Variants in CORIN observed in about 807,000 individuals in gnomAD.
CORIN encodes the protein atrial natriuretic peptide-converting enzyme.
In CORIN, 117 loss-of-function variants were observed where a neutral mutation model predicts 125.3. The ratio of observed to expected loss-of-function variants is 0.93; its 90% CI spans 0.80 to 1.09. CORIN has a LOEUF of 1.09. Among genes scored for constraint, CORIN ranks in the 50% least tolerant of loss-of-function variants. The pLI, the probability that CORIN is intolerant of heterozygous loss-of-function variation, is 0.00. For synonymous variants in CORIN, 450 were observed against 466.4 expected, an observed-to-expected ratio of 0.96 and a Z score of 0.45; for missense variants, 1,253 against 1,306.7, an observed-to-expected ratio of 0.96 and a Z score of 0.63.
chr4:47,629,993 C>A (rs1175504026), intron 16 of CORIN, among the ~76,000 whole-genome samples: 1 of 152,072 alleles, frequency 6.6e-6, no homozygotes, highest in Non-Finnish European at 1.5e-5. Context: ...AAAGTGTGAA[C>A]CCTACACAGT....
intron 10 of CORIN, among the ~76,000 whole-genome samples, chr4:47,669,839 G>A (rs763740664): frequency 4.2e-4 from 64 of 152,218 alleles, no homozygotes; most frequent in Non-Finnish European, 7.6e-4. Flanking sequence ...AAAGTGCTGG[G>A]ATTACAGGCG....
intron 5 of CORIN, among the ~76,000 whole-genome samples, chr4:47,736,101 T>TCCAAATTAC (rs1392325320): frequency 3.3e-5 from 5 of 152,156 alleles, no homozygotes; most frequent in Non-Finnish European, 5.9e-5. Context: ...GGTTACATTT[T>TCCAAATTAC]CCAAATTACC....
At chr4:47,653,867 G>A (rs776094946) in intron 12 of CORIN, among the ~76,000 whole-genome samples, 5 of 152,148 alleles carry the variant, frequency 3.3e-5, no homozygotes, top group African/African-American at 7.2e-5. Context: ...CTCTAGATAC[G>A]CGGTTTAACA....
intron 2 of CORIN, among the ~76,000 whole-genome samples, chr4:47,793,996 C>T (rs539271172): frequency 1.3e-5 from 2 of 152,196 alleles, no homozygotes; most frequent in East Asian, 1.9e-4. Flanking sequence ...CATATAACCT[C>T]GGGCCTCAGT....
chr4:47,624,060 C>A, intron 17 of CORIN, 112 bp from the exon 18 acceptor site: 1 of 864,362 alleles, frequency 1.2e-6, no homozygotes, highest in Non-Finnish European at 1.9e-6. Flanking sequence ...CCAGAAATCA[C>A]ATTCTCTGAG....
At chr4:47,661,169 G>A (rs1268417393) in intron 12 of CORIN, among the ~76,000 whole-genome samples, 1 of 152,156 alleles carries the variant, frequency 6.6e-6, no homozygotes, top group African/African-American at 2.4e-5. Flanking sequence ...ACCAATGGTT[G>A]CCAGTGTCTG....
At chr4:47,782,810 T>C (rs993973444) in intron 3 of CORIN, among the ~76,000 whole-genome samples, 2 of 152,138 alleles carry the variant, frequency 1.3e-5, no homozygotes, top group Non-Finnish European at 2.9e-5. Context: ...GGACCACATA[T>C]TGTCTGTTGC....
chr4:47,837,575 C>T, intron 1 of CORIN: 1 of 499,568 alleles, frequency 2.0e-6, no homozygotes, highest in Non-Finnish European at 3.6e-6. Context: ...AAGGTGGCAT[C>T]ACCCCCGGCA....
intron 3 of CORIN, 73 bp from the exon 4 acceptor site, chr4:47,763,659 T>G: frequency 7.5e-7 from 1 of 1,335,376 alleles, no homozygotes; most frequent in Non-Finnish European, 1.1e-6. Context: ...ATTTAATATT[T>G]GTTTATAAGA....
intron 4 of CORIN, among the ~76,000 whole-genome samples, chr4:47,762,004 A>G (rs1240649921): frequency 6.6e-6 from 1 of 152,106 alleles, no homozygotes; most frequent in Non-Finnish European, 1.5e-5. Flanking sequence ...ATACATATAT[A>G]CACACATATA....
intron 19 of CORIN, among the ~76,000 whole-genome samples, chr4:47,608,739 AC>A (rs1466704966): frequency 5.3e-5 from 8 of 152,132 alleles, no homozygotes; most frequent in Non-Finnish European, 7.4e-5. Flanking sequence ...CTAGAGAAAA[AC>A]AAAAACTCAG....
At chr4:47,614,984 TGGCTAGGTTGGTTA>T (rs1271739179) in intron 19 of CORIN, among the ~76,000 whole-genome samples, 1 of 152,216 alleles carries the variant, frequency 6.6e-6, no homozygotes, top group Non-Finnish European at 1.5e-5. Context: ...GCAATCACTT[TGGCTAGGTTGGTTA>T]GGGAAGGTCT....
chr4:47,669,239 C>G (rs543730277), intron 10 of CORIN, among the ~76,000 whole-genome samples: 1 of 151,992 alleles, frequency 6.6e-6, no homozygotes, highest in Non-Finnish European at 1.5e-5. Flanking sequence ...AAGATGGGAT[C>G]GTTAACTCAA....
chr4:47,641,876 A>T, intron 16 of CORIN, 44 bp downstream of exon 16: 1 of 1,596,414 alleles, frequency 6.3e-7, no homozygotes, highest in South Asian at 1.1e-5. Flanking sequence ...AGTTCCACAA[A>T]GCCTTCTGAG....
intron 3 of CORIN, among the ~76,000 whole-genome samples, chr4:47,773,733 T>C (rs1002589083): frequency 6.6e-6 from 1 of 152,056 alleles, no homozygotes; most frequent in Non-Finnish European, 1.5e-5. Context: ...AAACATGTCA[T>C]TTCTTTCTTT....
chr4:47,776,876 T>TATTTAAAAATAGAAGCTCC (rs1730326526), intron 3 of CORIN, among the ~76,000 whole-genome samples: 1 of 152,164 alleles, frequency 6.6e-6, no homozygotes, highest in Non-Finnish European at 1.5e-5. Flanking sequence ...AGCTCCAGGA[T>TATTTAAAAATAGAAGCTCC]AGACCTTTAA....
chr4:47,612,803 A>G (rs1721920799), intron 19 of CORIN, among the ~76,000 whole-genome samples: 1 of 152,222 alleles, frequency 6.6e-6, no homozygotes. Context: ...GACTCTTGTG[A>G]GTCATAAGGT....
chr4:47,653,624 T>C lies in CORIN; in HGVS notation c.1772A>G (p.Gln591Arg), dbSNP rs1270697526. 6.2e-7 allele frequency: 1 copy of C among 1,614,114 alleles called. No homozygotes were observed. The highest frequency in any genetic ancestry group is 1.1e-5 in the South Asian group (1 of 91,090). ...SPSHFKCRSGQCVLASRRCDG... is the reference protein window; with the variant it reads ...SPSHFKCRSGRCVLASRRCDG... ...ACATCTTCTGGAAGCCAGAACACAC[T>C]GTCCTGAGCGGCACTTGAAATGACT... is the stretch of plus-strand genomic sequence containing the variant. The change falls in exon 13 of 22, where the codon CAG (glutamine) becomes CGG (arginine). Residue 591 changes from glutamine to arginine, a missense_variant. Physicochemically the swap from Gln to Arg is conservative, Grantham distance 43. Transcript: ENST00000273857.
intron 9 of CORIN, among the ~76,000 whole-genome samples, chr4:47,676,193 A>C (rs1725009850): frequency 6.6e-6 from 1 of 152,182 alleles, no homozygotes; most frequent in Non-Finnish European, 1.5e-5. Context: ...ACAAACCTGC[A>C]ACCCATGCTG....
Sources: allele counts gnomAD v4.1 joint callset (sites outside exome capture counted in the v4.1 genomes callset), GRCh38; gene constraint gnomAD v4.1.1; transcripts MANE v1.5; gene names NCBI Gene and HGNC (gene_info 2026-07-23, HGNC 2026-07-21).